Variants in PTPRT observed in about 807,000 individuals in gnomAD.
PTPRT encodes the protein receptor-type tyrosine-protein phosphatase T.
In PTPRT, 56 loss-of-function variants were observed where a neutral mutation model predicts 176.8. That is an observed-to-expected ratio of 0.32 (90% CI 0.26 to 0.40). The LOEUF (loss-of-function observed/expected upper bound fraction) is 0.40, where lower values mean the gene tolerates loss of function less well. Among genes scored for constraint, PTPRT ranks in the 10% least tolerant of loss-of-function variants. The pLI, the probability that PTPRT is intolerant of heterozygous loss-of-function variation, is 1.00. For synonymous variants in PTPRT, 783 were observed against 739.0 expected (o/e 1.06, Z -0.96); for missense variants, 1,540 against 1,908.2 (o/e 0.81, Z 3.60).
At chr20:42,263,678 C>CTT (rs574955968) in intron 13 of PTPRT, among the ~76,000 whole-genome samples, 1,726 of 138,422 alleles carry the variant, frequency 0.012, 38 homozygotes, top group African/African-American at 0.044. Flanking sequence ...TGCGCCGGGC[C>CTT]TTTTTTTTTT....
At chr20:43,099,694 T>C (rs1395598309) in intron 1 of PTPRT, among the ~76,000 whole-genome samples, 1 of 152,152 alleles carries the variant, frequency 6.6e-6, no homozygotes, top group Non-Finnish European at 1.5e-5. Flanking sequence ...CTCATCTCCA[T>C]TCTTGTGCCT....
chr20:43,170,506 T>C (rs1170745149), intron 1 of PTPRT, among the ~76,000 whole-genome samples: 1 of 152,176 alleles, frequency 6.6e-6, no homozygotes, highest in Non-Finnish European at 1.5e-5. Flanking sequence ...TACAAATTTT[T>C]CCTAATGAAC....
intron 1 of PTPRT, among the ~76,000 whole-genome samples, chr20:43,101,527 T>G (rs921277201): frequency 4.6e-5 from 7 of 152,138 alleles, no homozygotes; most frequent in African/African-American, 1.7e-4. Context: ...TGATGTAATA[T>G]GGTGAAATAC....
At chr20:42,621,817 CCTCT>C (rs2074202443) in intron 7 of PTPRT, among the ~76,000 whole-genome samples, 1 of 152,152 alleles carries the variant, frequency 6.6e-6, no homozygotes, top group Non-Finnish European at 1.5e-5. Flanking sequence ...TGCCCACATT[CCTCT>C]CTAATATTAC....
the PTPRT span, among the ~76,000 whole-genome samples, chr20:42,067,507 C>T: frequency 6.6e-6 from 1 of 152,152 alleles, no homozygotes; most frequent in African/African-American, 2.4e-5. Flanking sequence ...CACCCTCTTG[C>T]TCTTGCACCC....
chr20:42,142,638 C>T (rs1230278787), intron 17 of PTPRT, among the ~76,000 whole-genome samples: 1 of 152,268 alleles, frequency 6.6e-6, no homozygotes, highest in East Asian at 1.9e-4. Flanking sequence ...GAACCCTATA[C>T]ATACTATGTT....
intron 1 of PTPRT, among the ~76,000 whole-genome samples, chr20:43,171,709 GT>G (rs1212436482): frequency 6.6e-6 from 1 of 152,160 alleles, no homozygotes; most frequent in African/African-American, 2.4e-5. Context: ...CCACGCCAGA[GT>G]TTTTTATTCA....
intron 18 of PTPRT, among the ~76,000 whole-genome samples, chr20:42,136,361 G>A (rs6102687): frequency 6.7e-6 from 1 of 149,980 alleles, no homozygotes; most frequent in Non-Finnish European, 1.5e-5. Flanking sequence ...AAGTGGATAA[G>A]GAGGAGGCAG....
intron 1 of PTPRT, among the ~76,000 whole-genome samples, chr20:43,017,207 T>C (rs1294332260): frequency 6.6e-6 from 1 of 152,232 alleles, no homozygotes; most frequent in Non-Finnish European, 1.5e-5. Flanking sequence ...GGCTGGCCCA[T>C]AGACTGTAGT....
intron 2 of PTPRT, among the ~76,000 whole-genome samples, chr20:42,837,893 G>T (rs1230327883): frequency 6.6e-6 from 1 of 152,220 alleles, no homozygotes; most frequent in East Asian, 1.9e-4. Flanking sequence ...AGGGGTCAAA[G>T]GTGGCTCTTG....
In PTPRT at chr20:42,072,798, AT is replaced by A; in HGVS notation, c.*8080del. The A allele has an allele frequency of 4.6e-6, 1 of 215,948 alleles. No individual in the cohort carries two copies. The highest frequency in any genetic ancestry group is 2.2e-5 in the African/African-American group (1 of 44,452). The allele number at this position is 215,948 out of a possible 1,614,324, so 13.4% of individuals were successfully genotyped here. On this transcript the variant is annotated 3_prime_UTR_variant, in exon 31 of 31. Transcript: ENST00000373187. ...TCAGGGTCACAGCTTTATTGTATAG[AT>A]TTTTTAACACAGCCATGTTACAAAC... is the stretch of plus-strand genomic sequence containing the variant.
rs75144046 is a variant in PTPRT, at chr20:42,358,677, C to T, written c.1561-6392G>A. Among the ~76,000 whole-genome samples, 1,031 of 152,286 alleles carry T rather than the reference C, an allele frequency of 6.8e-3. 15 individuals are homozygous for T. The highest frequency in any genetic ancestry group is 0.024 in the African/African-American group (980 of 41,554). On this transcript the variant is annotated intron_variant, in intron 9 of 30. Coordinates refer to ENST00000373187, the MANE Select transcript of PTPRT (RefSeq NM_007050.6). ...AGGACAACTGCTTGCCTAAGGGATGCTTTTGTGCAAAGTAGAAAAGGTGCC... is the reference window on the plus strand; with the variant it reads ...AGGACAACTGCTTGCCTAAGGGATGTTTTTGTGCAAAGTAGAAAAGGTGCC...
At chr20:42,761,935 G>A (rs1374736866) in intron 5 of PTPRT, among the ~76,000 whole-genome samples, 6 of 152,188 alleles carry the variant, frequency 3.9e-5, no homozygotes, top group Non-Finnish European at 8.8e-5. Flanking sequence ...GCTACACTTA[G>A]CAACTCTGTG....
At chr20:42,518,704 G>T (rs950238252) in intron 7 of PTPRT, among the ~76,000 whole-genome samples, 1 of 151,656 alleles carries the variant, frequency 6.6e-6, no homozygotes, top group African/African-American at 2.4e-5. Context: ...GATTTTTTCT[G>T]TTCCATTAAT....
At chr20:42,575,107 G>A (rs1057192089) in intron 7 of PTPRT, among the ~76,000 whole-genome samples, 2 of 152,142 alleles carry the variant, frequency 1.3e-5, no homozygotes, top group Non-Finnish European at 2.9e-5. Context: ...ACCGACTGGT[G>A]CAAAGCTGAT....
intron 7 of PTPRT, among the ~76,000 whole-genome samples, chr20:42,635,206 CTT>C (rs2074568526): frequency 6.6e-6 from 1 of 151,756 alleles, no homozygotes; most frequent in Non-Finnish European, 1.5e-5. Context: ...GGATGATAAA[CTT>C]TGGAAAGTCA....
Position 43,010,458 on chromosome 20 carries a change from CAT to C in PTPRT, c.89-124528_89-124527del, listed in dbSNP as rs780108550. On this transcript the variant is annotated intron_variant, in intron 1 of 30. Transcript: ENST00000373187. ...ATCACATCCTACTCTGGCTTCTGCT[CAT>C]AGTGTCTACTGGATCAAATAGTGTT... Among the ~76,000 whole-genome samples the C allele has an allele frequency of 2.8e-3, 420 of 152,312 alleles. 4 individuals carry two copies. Among genetic ancestry groups the C allele is most frequent in the Non-Finnish European group, 2.0e-3 (136 of 68,028 alleles).
intron 7 of PTPRT, among the ~76,000 whole-genome samples, chr20:42,485,595 C>T (rs2071452570): frequency 6.6e-6 from 1 of 152,118 alleles, no homozygotes. Context: ...AGAAGTACTA[C>T]CTTTTTTTTT....
chr20:43,029,906 GGCTGTT>G (rs1022351556), intron 1 of PTPRT, among the ~76,000 whole-genome samples: 2 of 152,230 alleles, frequency 1.3e-5, no homozygotes, highest in African/African-American at 4.8e-5. Flanking sequence ...CCGAGATAGA[GGCTGTT>G]GTATCAGCCT....
Sources: allele counts gnomAD v4.1 joint callset (sites outside exome capture counted in the v4.1 genomes callset), GRCh38; gene constraint gnomAD v4.1.1; transcripts MANE v1.5; gene names NCBI Gene and HGNC (gene_info 2026-07-23, HGNC 2026-07-21).